ACY3: variants seen among roughly 807,000 people sequenced by gnomAD.
ACY3 encodes the protein N-acyl-aromatic-L-amino acid amidohydrolase (carboxylate-forming).
A neutral mutation model predicts 24.6 loss-of-function variants in ACY3; 20 were observed. The observed-to-expected ratio is 0.81, with a 90% CI of 0.57 to 1.18. The LOEUF is 1.18. Ranked by LOEUF, ACY3 falls within the 50% of genes most tolerant of loss-of-function variation. The pLI is 0.00. For synonymous variants in ACY3, 174 were observed against 188.4 expected (o/e 0.92, Z 0.62); for missense variants, 423 against 426.8 (o/e 0.99, Z 0.08).
At chr11:67,645,521 G>T (rs963270139) in intron 4 of ACY3, 141 bp from the exon 5 acceptor site, 2 of 1,223,020 alleles carry the variant, frequency 1.6e-6, no homozygotes, top group Non-Finnish European at 2.2e-6. Context: ...GTAGGGGAGG[G>T]GGTACCGGGG....
chr11:67,647,185 T>G (rs1591132432), intron 2 of ACY3, 122 bp from the exon 3 acceptor site: 1 of 660,730 alleles, frequency 1.5e-6, no homozygotes. Context: ...CAGCTGGGAG[T>G]GTCTCAGCTG....
intron 1 of ACY3, among the ~76,000 whole-genome samples, chr11:67,650,227 C>T (rs1023900433): frequency 6.7e-6 from 1 of 150,142 alleles, no homozygotes; most frequent in Non-Finnish European, 1.5e-5. Context: ...GGGGTCAGAG[C>T]TGTGGTTCCC....
intron 4 of ACY3, 137 bp from the exon 5 acceptor site, chr11:67,645,517 G>T: frequency 8.1e-7 from 1 of 1,242,162 alleles, no homozygotes; most frequent in Non-Finnish European, 1.1e-6. Flanking sequence ...CAGGGTAGGG[G>T]AGGGGGTACC....
intron 1 of ACY3, among the ~76,000 whole-genome samples, chr11:67,648,284 G>A (rs1855553961): frequency 6.6e-6 from 1 of 152,098 alleles, no homozygotes; most frequent in Non-Finnish European, 1.5e-5. Context: ...CTGTTCAGCG[G>A]CACACAGAGC....
At chr11:67,645,590 CG>C (rs1855499416) in intron 4 of ACY3, 101 bp downstream of exon 4, 1 of 1,418,010 alleles carries the variant, frequency 7.1e-7, no homozygotes, top group Non-Finnish European at 9.4e-7. Flanking sequence ...AAACTAGGCC[CG>C]GGGAAGAGGG....
intron 7 of ACY3, among the ~76,000 whole-genome samples, chr11:67,644,291 G>A (rs1361447194): frequency 6.6e-6 from 1 of 152,162 alleles, no homozygotes; most frequent in Admixed American, 6.5e-5. Context: ...GGAAAGGTGT[G>A]GAAGCAGGAT....
rs1855475174 is a variant in ACY3, at chr11:67,644,755, CA to C, written c.744+4del. ...CACCACACACACACACACACACACA[CA>C]CACCTGCAGCTGAGGATGCACAGTG... On this transcript the variant is annotated splice_donor_region_variant and intron_variant, in intron 7 of 7. Coordinates refer to ENST00000255082, the MANE Select transcript of ACY3 (RefSeq NM_080658.2). 2 of 1,549,246 alleles carry C rather than the reference CA, an allele frequency of 1.3e-6. No individual in the cohort carries two copies. The highest frequency in any genetic ancestry group is 1.7e-6 in the Non-Finnish European group (2 of 1,147,588).
rs1010193761 is a variant in ACY3 at position 67,642,560 on chromosome 11, A to G, written c.*164T>C. ...GAGGACACAAACCATGGACCTCTGG[A>G]CATCTTCCATTTTATAGAAAGGGAA... On this transcript the variant is annotated 3_prime_UTR_variant, in exon 8 of 8. Transcript: ENST00000255082. The G allele has an allele frequency of 2.9e-6, 2 of 692,380 alleles. No homozygotes were observed. The highest frequency in any genetic ancestry group is 1.8e-5 in the African/African-American group (1 of 56,338). The allele number at this position is 692,380 out of a possible 1,614,324, so 42.9% of individuals were successfully genotyped here.
In ACY3 at chr11:67,647,076, A is replaced by C; in HGVS notation, c.-20-13T>G. Reference sequence around the variant, plus strand: ...TGGGGTGCAGAACCTGGGGGTGGGCATACTTAGGAGACCCTGGCCCCGATG... The same window carrying C: ...TGGGGTGCAGAACCTGGGGGTGGGCCTACTTAGGAGACCCTGGCCCCGATG... On this transcript the variant is annotated splice_polypyrimidine_tract_variant and intron_variant, in intron 2 of 7. Transcript: ENST00000255082. The C allele has an allele frequency of 6.8e-7, 1 of 1,464,662 alleles. No homozygotes were observed. The highest frequency in any genetic ancestry group is 9.0e-7 in the Non-Finnish European group (1 of 1,105,534). 90.7% of individuals were successfully genotyped at this position (1,464,662 alleles called of 1,614,324 possible).
chr11:67,649,994 G>A (rs1482447828), intron 1 of ACY3, among the ~76,000 whole-genome samples: 1 of 152,234 alleles, frequency 6.6e-6, no homozygotes, highest in Non-Finnish European at 1.5e-5. Context: ...CTGACAGGCT[G>A]TGTGACCTGG....
chr11:67,644,635 CTGGTGAGCTCGT>C, intron 7 of ACY3, 113 bp downstream of exon 7: 1 of 874,218 alleles, frequency 1.1e-6, no homozygotes, highest in Non-Finnish European at 1.7e-6. Context: ...ACCCGAGATG[CTGGTGAGCTCGT>C]GGGAGGCTTG....
chr11:67,648,719 C>T (rs2514037), intron 1 of ACY3, among the ~76,000 whole-genome samples: 19,571 of 152,198 alleles, frequency 0.13, 1,502 homozygotes, highest in African/African-American at 0.21. Context: ...CTCTCGGAAG[C>T]TGCCCCAGAT....
Position 67,645,631 on chromosome 11 carries a change from C to T in ACY3, c.432+61G>A, listed in dbSNP as rs1046058269. 2.3e-5 allele frequency: 35 copies of T among 1,527,444 alleles called. No homozygotes were observed. In the East Asian group the frequency reaches 2.5e-4, roughly 11 times the overall value. 94.6% of individuals were successfully genotyped at this position (1,527,444 alleles called of 1,614,324 possible). On this transcript the variant is annotated intron_variant, in intron 4 of 7. Coordinates refer to ENST00000255082, the MANE Select transcript of ACY3 (RefSeq NM_080658.2). Reference sequence around the variant, plus strand: ...AGCAAAGGAGGTTCCAGCATTGTCCCGCCTGCCCTCCCTCCCTCCCACTCC... The same window carrying T: ...AGCAAAGGAGGTTCCAGCATTGTCCTGCCTGCCCTCCCTCCCTCCCACTCC...
At chr11:67,646,392 C>G (rs1164553673) in intron 3 of ACY3, among the ~76,000 whole-genome samples, 1 of 152,248 alleles carries the variant, frequency 6.6e-6, no homozygotes, top group Non-Finnish European at 1.5e-5. Flanking sequence ...CCTCTGTCTC[C>G]CCATTAAGCT....
chr11:67,646,293 C>T lies in ACY3; in HGVS notation c.237-406G>A, dbSNP rs146543336. Among the ~76,000 whole-genome samples, 645 of 152,350 alleles carry T rather than the reference C, an allele frequency of 4.2e-3. 3 individuals carry two copies. In the Middle Eastern group the frequency reaches 0.058, roughly 14 times the overall value. ...CTGAGACACCATTGCCTCCAGGAAGCCTTCCCTGACTGCTCTCAGCCAGGT... is the reference window on the plus strand; with the variant it reads ...CTGAGACACCATTGCCTCCAGGAAGTCTTCCCTGACTGCTCTCAGCCAGGT... On this transcript the variant is annotated intron_variant, in intron 3 of 7. Transcript: ENST00000255082.
At chr11:67,647,138 A>T (rs1356799745) in intron 2 of ACY3, 75 bp from the exon 3 acceptor site, 3 of 1,101,930 alleles carry the variant, frequency 2.7e-6, no homozygotes, top group East Asian at 5.3e-5. Flanking sequence ...TGGCGGTGGG[A>T]GGCTCCACAG....
chr11:67,650,179 A>C (rs1035620784), intron 1 of ACY3, among the ~76,000 whole-genome samples: 1 of 152,072 alleles, frequency 6.6e-6, no homozygotes, highest in African/African-American at 2.4e-5. Context: ...ACGGGGGCCA[A>C]TTTCCTCACT....
intron 6 of ACY3, 69 bp from the exon 7 acceptor site, chr11:67,644,938 G>T (rs923723392): frequency 8.2e-6 from 13 of 1,584,166 alleles, no homozygotes; most frequent in Non-Finnish European, 1.0e-5. Context: ...GGCCGTGGGG[G>T]TACGTCAGGG....
intron 2 of ACY3, 44 bp from the exon 3 acceptor site, chr11:67,647,107 GA>G: frequency 7.3e-7 from 1 of 1,363,738 alleles, no homozygotes; most frequent in Non-Finnish European, 9.7e-7. Flanking sequence ...CGATGCAAGG[GA>G]TCTGGGCTCA....
Sources: gnomAD v4.1 joint callset for allele counts (sites outside exome capture counted in the v4.1 genomes callset) on GRCh38, gnomAD v4.1.1 for gene constraint, MANE v1.5 for transcripts, NCBI Gene and HGNC (gene_info 2026-07-23, HGNC 2026-07-21) for gene names.